The following SLC25A25 variants were observed in gnomAD, a reference collection of about 807,000 sequenced individuals.
SLC25A25 encodes solute carrier family 25 member 25, also known as mitochondrial adenyl nucleotide antiporter SLC25A25.
SLC25A25 carries 32 observed loss-of-function variants against 57.7 expected under a neutral mutation model. The observed-to-expected ratio is 0.55, with a 90% CI of 0.42 to 0.74. SLC25A25 has a LOEUF of 0.74. SLC25A25 is among the 30% of genes least tolerant of loss of function. The pLI, the probability that SLC25A25 is intolerant of heterozygous loss-of-function variation, is 0.00. For missense variants in SLC25A25, 556 were observed against 701.3 expected (o/e 0.79, Z 2.34); for synonymous variants, 306 against 291.2 (o/e 1.05, Z -0.52).
At chr9:128,100,199 G>GGGGTAAGT (rs915751387) in intron 1 of SLC25A25, among the ~76,000 whole-genome samples, 3 of 116,660 alleles carry the variant, frequency 2.6e-5, no homozygotes, top group African/African-American at 9.2e-5. Context: ...GTTTGCGAGG[G>GGGGTAAGT]GGGTAAGTGG....
intron 1 of SLC25A25, among the ~76,000 whole-genome samples, chr9:128,081,668 C>G (rs1833158513): frequency 6.6e-6 from 1 of 152,110 alleles, no homozygotes; most frequent in Non-Finnish European, 1.5e-5. Flanking sequence ...GTGGCTCATG[C>G]CTGTACTCCC....
At chr9:128,106,551 C>T in intron 9 of SLC25A25, 31 bp downstream of exon 9, 1 of 1,553,606 alleles carries the variant, frequency 6.4e-7, no homozygotes, top group Non-Finnish European at 8.7e-7. Context: ...ATTTAGAAAC[C>T]TCCTCCCAGC....
chr9:128,102,324 C>T lies in SLC25A25; in HGVS notation c.513-46C>T, dbSNP rs534957633. ...CTGGGAGGTGGGGGGATGCAGCTGG[C>T]GGATGGGCATGTGGGCACGTGGGCA... On this transcript the variant is annotated intron_variant, in intron 4 of 10. Coordinates refer to ENST00000373069, the MANE Select transcript of SLC25A25 (RefSeq NM_001330988.2). This position sits in a 1 kb window ranked among gnomAD's most constrained non-coding sequence, Gnocchi z 4.1. The T allele has an allele frequency of 1.5e-4, 238 of 1,544,510 alleles. 1 individual carries two copies. The highest frequency in any genetic ancestry group is 3.8e-4 in the South Asian group (34 of 88,752).
Position 128,068,289 on chromosome 9 carries a change from G to T in SLC25A25, c.-31G>T, listed in dbSNP as rs565635680. 2.5e-5 allele frequency: 31 copies of T among 1,257,512 alleles called. No homozygotes were observed. In the South Asian group the frequency reaches 7.3e-4, roughly 30 times the overall value. The allele number at this position is 1,257,512 out of a possible 1,614,324, so 77.9% of individuals were successfully genotyped here. ...CCGCCGGCCCGCCGCCCCCGCTCCC[G>T]CCCGCGCCCGGAGCCCCTGCCTCGC... On this transcript the variant is annotated 5_prime_UTR_variant, in exon 1 of 11. Transcript: ENST00000373069.
Position 128,103,884 on chromosome 9 carries a change from C to T in SLC25A25, c.783+45C>T. On this transcript the variant is annotated intron_variant, in intron 6 of 10. Transcript: ENST00000373069. This position sits in a 1 kb window ranked among gnomAD's most constrained non-coding sequence, Gnocchi z 6.7. The stretch of plus-strand genomic sequence containing the variant: ...CAGACCCCTGGGGGGCCAGTTTCCA[C>T]CTGGGGGATGCTGCTTGGCTAGTTT... 1 of 1,487,638 alleles carries T rather than the reference C, an allele frequency of 6.7e-7. No homozygotes were observed. Among genetic ancestry groups the T allele is most frequent in the Non-Finnish European group, 8.9e-7 (1 of 1,120,146 alleles). 92.2% of individuals were successfully genotyped at this position (1,487,638 alleles called of 1,614,324 possible).
At chr9:128,084,260 ATT>A (rs58266648) in intron 1 of SLC25A25, among the ~76,000 whole-genome samples, 1,772 of 140,304 alleles carry the variant, frequency 0.013, 39 homozygotes, top group African/African-American at 0.045. Context: ...ATTAAAACAG[ATT>A]TTTTTTTTTT....
At position 128,102,291 on chromosome 9, in the gene SLC25A25, T is replaced by C. The variant is rs1833833557; in HGVS notation, c.513-79T>C. 1 of 1,469,926 alleles carries C rather than the reference T, an allele frequency of 6.8e-7. No individual in the cohort carries two copies. Among genetic ancestry groups the C allele is most frequent in the Non-Finnish European group, 9.4e-7 (1 of 1,058,834 alleles). 91.1% of individuals were successfully genotyped at this position (1,469,926 alleles called of 1,614,324 possible). ...TTTCTGGGCATCCGAATGCCTGCCC[T>C]TGGCTCACTGGGAGGTGGGGGGATG... On this transcript the variant is annotated intron_variant, in intron 4 of 10. Transcript: ENST00000373069. This position sits in a 1 kb window ranked among gnomAD's most constrained non-coding sequence, Gnocchi z 4.1.
At chr9:128,083,606 C>T (rs1205182317) in intron 1 of SLC25A25, among the ~76,000 whole-genome samples, 2 of 150,592 alleles carry the variant, frequency 1.3e-5, no homozygotes, top group Non-Finnish European at 3.0e-5. Context: ...GCCTCCCGGG[C>T]TTACGCCATT....
At position 128,095,793 on chromosome 9, in the gene SLC25A25, G is replaced by A. The variant is rs532196703; in HGVS notation, c.262-5303G>A. Among the ~76,000 whole-genome samples, 26 of 152,132 alleles carry A rather than the reference G, an allele frequency of 1.7e-4. No homozygotes were observed. Among genetic ancestry groups the A allele is most frequent in the African/African-American group, 5.8e-4 (24 of 41,486 alleles). On this transcript the variant is annotated intron_variant, in intron 1 of 10. Transcript: ENST00000373069. This position sits in a 1 kb window ranked among gnomAD's most constrained non-coding sequence, Gnocchi z 4.4. ...CCACTGCACTCCAGCCTGGGCGACA[G>A]AGCAAGACTCCATCTTAGGAAAGAC... is the stretch of plus-strand genomic sequence containing the variant.
chr9:128,087,218 G>A (rs1015077591), intron 1 of SLC25A25, among the ~76,000 whole-genome samples: 10 of 150,720 alleles, frequency 6.6e-5, no homozygotes, highest in African/African-American at 2.2e-4. Flanking sequence ...GATTACAGGC[G>A]TGAGCCACCG....
chr9:128,096,107 A>ATT (rs80328050), intron 1 of SLC25A25, among the ~76,000 whole-genome samples: 1 of 151,976 alleles, frequency 6.6e-6, no homozygotes, highest in African/African-American at 2.4e-5. Flanking sequence ...GAAGACCAGC[A>ATT]TTTTTTTTAA....
Position 128,091,908 on chromosome 9 carries a change from T to C in SLC25A25, c.262-9188T>C, listed in dbSNP as rs544466699. The C allele has an allele frequency of 1.4e-5, 23 of 1,611,904 alleles. 1 individual carries two copies. The South Asian group carries it at 2.0e-4, about 14-fold the overall frequency. On this transcript the variant is annotated intron_variant, in intron 1 of 10. Coordinates refer to ENST00000373069, the MANE Select transcript of SLC25A25 (RefSeq NM_001330988.2). ...CTGTGGCATTTCCTAGCTAGCTTTT[T>C]CCCCAGGGCTGGGTGCCACGGCTCC...
Position 128,101,983 on chromosome 9 carries a change from CCT to C in SLC25A25, c.477-96_477-95del, listed in dbSNP as rs1240967329. On this transcript the variant is annotated intron_variant, in intron 3 of 10. Transcript: ENST00000373069. This position sits in a 1 kb window ranked among gnomAD's most constrained non-coding sequence, Gnocchi z 4.9. Reference sequence around the variant, plus strand: ...GGCTCGTCTCGTGCCGTGCTGTGCCCCTGTCTCTGGGTGTGTGCTTGCTTCAC... The same window carrying C: ...GGCTCGTCTCGTGCCGTGCTGTGCCCGTCTCTGGGTGTGTGCTTGCTTCAC... 37 of 1,405,136 alleles carry C rather than the reference CCT, an allele frequency of 2.6e-5. No individual in the cohort carries two copies. The highest frequency in any genetic ancestry group is 1.2e-4 in the Admixed American group (6 of 50,640). The allele number at this position is 1,405,136 out of a possible 1,614,324, so 87.0% of individuals were successfully genotyped here. A position where few individuals can be genotyped will look rare whatever the true frequency, so the allele number is the denominator to read the frequency against.
Position 128,076,468 on chromosome 9 carries a change from ATTTTTATT to A in SLC25A25, c.261+7894_261+7901del, listed in dbSNP as rs1564178036. Among the ~76,000 whole-genome samples, 33 of 95,066 alleles carry A rather than the reference ATTTTTATT, an allele frequency of 3.5e-4. 1 individual carries two copies. The highest frequency in any genetic ancestry group is 1.7e-3 in the African/African-American group (32 of 19,244). 62.4% of individuals were successfully genotyped at this position (95,066 alleles called of 152,430 possible). On this transcript the variant is annotated intron_variant, in intron 1 of 10. Transcript: ENST00000373069. ...TATTTTTATTTTTATTTTTATTTTT[ATTTTTATT>A]TTTTTTTGAGACAGAGTCTCTCTCT...
At position 128,102,168 on chromosome 9, in the gene SLC25A25, G is replaced by C. The variant is rs1188223783; in HGVS notation, c.512+53G>C. The C allele has an allele frequency of 1.1e-5, 17 of 1,546,340 alleles. No homozygotes were observed. The highest frequency in any genetic ancestry group is 4.9e-5 in the East Asian group (2 of 40,906). On this transcript the variant is annotated intron_variant, in intron 4 of 10. Transcript: ENST00000373069. The surrounding 1 kb of genome is among the most constrained non-coding windows in gnomAD (Gnocchi z 4.1). ...CTCCCTTGACTTCCATGCCTGATCA[G>C]AGCGGGATTCTTGTGGGCCATTATA...
intron 1 of SLC25A25, 98 bp from the exon 2 acceptor site, chr9:128,100,998 G>T: frequency 2.6e-6 from 4 of 1,538,208 alleles, no homozygotes; most frequent in Non-Finnish European, 3.5e-6. Context: ...AGCTCTGCTC[G>T]CAATTAGTGA....
At chr9:128,090,088 G>C (rs1018393156) in intron 1 of SLC25A25, among the ~76,000 whole-genome samples, 1 of 151,884 alleles carries the variant, frequency 6.6e-6, no homozygotes, top group African/African-American at 2.4e-5. Context: ...TGTCCTCCCC[G>C]CCCCACACCC....
Position 128,099,114 on chromosome 9 carries a change from C to T in SLC25A25, c.262-1982C>T, listed in dbSNP as rs1046603234. 1 of 985,270 alleles carries T rather than the reference C, an allele frequency of 1.0e-6. No individual in the cohort carries two copies. The highest frequency in any genetic ancestry group is 1.7e-5 in the African/African-American group (1 of 57,218). 61.0% of individuals were successfully genotyped at this position (985,270 alleles called of 1,614,324 possible). On this transcript the variant is annotated intron_variant, in intron 1 of 10. Coordinates refer to ENST00000373069, the MANE Select transcript of SLC25A25 (RefSeq NM_001330988.2). The surrounding 1 kb of genome is among the most constrained non-coding windows in gnomAD (Gnocchi z 6.8). ...GTGCTGCGTGGTGGAGCTGCCCGTC[C>T]CTGGTGTGGGGGTGAGGGAGCCTCC...
intron 1 of SLC25A25, among the ~76,000 whole-genome samples, chr9:128,083,781 G>T (rs984491176): frequency 6.6e-6 from 1 of 151,676 alleles, no homozygotes; most frequent in Non-Finnish European, 1.5e-5. Context: ...GCCTCCCAAA[G>T]TGCTGGGATT....
Sources: allele counts gnomAD v4.1 joint callset (sites outside exome capture counted in the v4.1 genomes callset), GRCh38; gene constraint gnomAD v4.1.1; non-coding constraint Gnocchi (gnomAD v3.1); transcripts MANE v1.5; gene names NCBI Gene and HGNC (gene_info 2026-07-23, HGNC 2026-07-21).